Variants in TRDN observed in about 807,000 individuals in gnomAD.
TRDN encodes triadin, also known as triadin in skeletal muscle.
A neutral mutation model predicts 149.7 loss-of-function variants in TRDN; 161 were observed. The ratio of observed to expected loss-of-function variants is 1.08; its 90% confidence interval spans 0.95 to 1.23. The LOEUF (loss-of-function observed/expected upper bound fraction) is 1.23. Among genes scored for constraint, TRDN ranks in the 50% most tolerant of loss-of-function variants. TRDN has a pLI of 0.00. For synonymous variants in TRDN, 294 were observed against 250.5 expected, an observed-to-expected ratio of 1.17 and a Z score of -1.64; for missense variants, 896 against 823.5, an observed-to-expected ratio of 1.09 and a Z score of -1.08.
At chr6:123,426,030 C>A (rs1483296970) in intron 12 of TRDN, among the ~76,000 whole-genome samples, 3 of 151,944 alleles carry the variant, frequency 2.0e-5, no homozygotes, top group African/African-American at 7.3e-5. Flanking sequence ...GAGTGATGCT[C>A]CTTAGTTAGC....
chr6:123,585,302 A>G (rs1223621368), intron 1 of TRDN, among the ~76,000 whole-genome samples: 1 of 151,894 alleles, frequency 6.6e-6, no homozygotes, highest in African/African-American at 2.4e-5. Flanking sequence ...AATTAAAAGG[A>G]GTGCTTAAAA....
intron 23 of TRDN, among the ~76,000 whole-genome samples, chr6:123,331,087 AT>A (rs535790060): frequency 6.6e-6 from 1 of 152,174 alleles, no homozygotes; most frequent in East Asian, 1.9e-4. Flanking sequence ...ACAATGGAAA[AT>A]TTTTAATATT....
chr6:123,237,914 A>G (rs1775848846), intron 38 of TRDN, among the ~76,000 whole-genome samples: 1 of 152,206 alleles, frequency 6.6e-6, no homozygotes, highest in South Asian at 2.1e-4. Flanking sequence ...TTACACAGGA[A>G]GAAATGACAA....
intron 14 of TRDN, among the ~76,000 whole-genome samples, chr6:123,388,021 T>C (rs369943347): frequency 2.6e-5 from 4 of 151,566 alleles, no homozygotes; most frequent in African/African-American, 7.3e-5. Context: ...ATATTGATTA[T>C]GGACAATGTT....
At chr6:123,407,179 C>A (rs1375537385) in intron 12 of TRDN, among the ~76,000 whole-genome samples, 1 of 152,038 alleles carries the variant, frequency 6.6e-6, no homozygotes, top group Admixed American at 6.5e-5. Flanking sequence ...CTGATTTCAC[C>A]CAAGGGGTGA....
rs553574179 is a variant in TRDN, at chr6:123,492,439, T to A, written c.853+4754A>T. ...TGAATATAAAGAGGTCTGTGAACCATGTGATTTCTTCCTTACAGAAATTTG... is the reference window on the plus strand; with the variant it reads ...TGAATATAAAGAGGTCTGTGAACCAAGTGATTTCTTCCTTACAGAAATTTG... On this transcript the variant is annotated intron_variant, in intron 9 of 40. Coordinates refer to ENST00000334268, the MANE Select transcript of TRDN (RefSeq NM_006073.4). 1.1e-4 allele frequency among the ~76,000 whole-genome samples: 17 copies of A among 152,264 alleles called. 1 individual carries two copies. The highest frequency in any genetic ancestry group is 3.4e-3 in the Middle Eastern group (1 of 294).
intron 24 of TRDN, among the ~76,000 whole-genome samples, chr6:123,280,457 C>T (rs1260753962): frequency 2.0e-5 from 3 of 152,068 alleles, no homozygotes; most frequent in African/African-American, 7.2e-5. Flanking sequence ...TTTGTCAACA[C>T]ACACAAAATA....
At chr6:123,389,358 T>C (rs1055925671) in intron 13 of TRDN, 1 of 152,182 alleles carries the variant, frequency 6.6e-6, no homozygotes, top group African/African-American at 2.4e-5. Context: ...TCCAGTATGG[T>C]AATCTCACCT....
At chr6:123,514,667 TC>T (rs1484544330) in intron 6 of TRDN, among the ~76,000 whole-genome samples, 6 of 134,518 alleles carry the variant, frequency 4.5e-5, no homozygotes, top group East Asian at 2.0e-4. Flanking sequence ...CACACACATA[TC>T]ATTAGGAGAA....
At chr6:123,299,188 T>C (rs1267395494) in intron 24 of TRDN, among the ~76,000 whole-genome samples, 6 of 151,986 alleles carry the variant, frequency 3.9e-5, no homozygotes, top group African/African-American at 7.2e-5. Flanking sequence ...CCTACTATGA[T>C]ATAAGACCTG....
chr6:123,398,676 A>G (rs1772835868), intron 12 of TRDN, among the ~76,000 whole-genome samples: 1 of 152,212 alleles, frequency 6.6e-6, no homozygotes, highest in South Asian at 2.1e-4. Context: ...AACTCCAGGA[A>G]AGCATATTTC....
intron 10 of TRDN, among the ~76,000 whole-genome samples, chr6:123,454,382 TA>T (rs535740516): frequency 1.3e-5 from 2 of 152,102 alleles, no homozygotes; most frequent in Admixed American, 6.5e-5. Flanking sequence ...TCAAACAAGG[TA>T]AAAAAATATG....
chr6:123,464,405 T>G (rs769927256), intron 10 of TRDN: 6 of 967,528 alleles, frequency 6.2e-6, no homozygotes, highest in Non-Finnish European at 7.4e-6. Flanking sequence ...TGTGTATATA[T>G]ATATTTCAAT....
chr6:123,393,592 G>C lies in TRDN; in HGVS notation c.1105+32C>G, dbSNP rs1306330850. 3.8e-6 allele frequency: 6 copies of C among 1,570,732 alleles called. No homozygotes were observed. The Admixed American group carries it at 5.5e-5, about 14-fold the overall frequency. On this transcript the variant is annotated intron_variant, in intron 13 of 40. Coordinates refer to ENST00000334268, the MANE Select transcript of TRDN (RefSeq NM_006073.4). ...AAAGTGCTATAGATGTTTAAAAAAA[G>C]GCAATGCTTTTTAAAGTGTTTTATT...
intron 19 of TRDN, among the ~76,000 whole-genome samples, chr6:123,373,237 C>T (rs1015592450): frequency 3.3e-5 from 5 of 152,036 alleles, no homozygotes; most frequent in African/African-American, 9.7e-5. Flanking sequence ...ATGCTGTTCT[C>T]GTGATAGTGA....
intron 23 of TRDN, among the ~76,000 whole-genome samples, chr6:123,323,210 T>A (rs766823001): frequency 6.6e-6 from 1 of 152,186 alleles, no homozygotes; most frequent in Non-Finnish European, 1.5e-5. Context: ...ACATTAGAAC[T>A]GACTCACTAG....
chr6:123,265,683 T>C (rs1428423187), intron 32 of TRDN, among the ~76,000 whole-genome samples: 1 of 108,948 alleles, frequency 9.2e-6, no homozygotes, highest in Admixed American at 8.8e-5. Context: ...GCCACAGTCC[T>C]TTTGGAATAC....
intron 24 of TRDN, among the ~76,000 whole-genome samples, chr6:123,281,703 G>A (rs1391533379): frequency 6.6e-6 from 1 of 152,038 alleles, no homozygotes; most frequent in Admixed American, 6.6e-5. Context: ...TGACTTAATA[G>A]TTCTGCTATT....
At chr6:123,535,094 C>T (rs777563424) in intron 4 of TRDN, among the ~76,000 whole-genome samples, 1 of 152,118 alleles carries the variant, frequency 6.6e-6, no homozygotes, top group Admixed American at 6.6e-5. Context: ...TCTTAATCCA[C>T]GTGTGAGTCT....
Sources: allele counts gnomAD v4.1 joint callset (sites outside exome capture counted in the v4.1 genomes callset), GRCh38; gene constraint gnomAD v4.1.1; transcripts MANE v1.5; gene names NCBI Gene and HGNC (gene_info 2026-07-23, HGNC 2026-07-21).